The following ECHDC2 variants were observed in gnomAD, a reference collection of about 807,000 sequenced individuals.
The protein encoded by ECHDC2 is enoyl-CoA hydratase domain containing 2, also known as enoyl-CoA hydratase domain-containing protein 2, mitochondrial.
ECHDC2 carries 34 observed loss-of-function variants against 40.6 expected under a neutral mutation model. The ratio of observed to expected loss-of-function variants is 0.84; its 90% CI spans 0.64 to 1.11. The LOEUF (loss-of-function observed/expected upper bound fraction) is 1.11. Among genes scored for constraint, ECHDC2 ranks in the 50% most tolerant of loss-of-function variants. The probability of loss-of-function intolerance (pLI) is 0.00; values close to 1 mark genes in which losing one functional copy is unlikely to be tolerated. For synonymous variants in ECHDC2, 162 were observed against 166.6 expected (o/e 0.97, Z 0.21); for missense variants, 392 against 400.7 (o/e 0.98, Z 0.19).
rs960827670 is a variant in ECHDC2 at position 52,921,616 on chromosome 1, C to G, written c.58G>C (p.Ala20Pro). Residue 20 changes from alanine (A) to proline (P), a missense_variant, in exon 1 of 10, where the codon GCT (alanine) becomes CCT (proline). Ala to Pro is a conservative substitution (Grantham distance 27, BLOSUM62 -1). Transcript: ENST00000371522. ...GAGCCCCCGGCCGCCCCGTCGGAAG[C>G]GCAGCCGCGGGCCCGAAGGGGCCTC... ...PWRPLRARGC[A>P]SDGAAGGSEI... 43 of 1,599,608 alleles carry G rather than the reference C, an allele frequency of 2.7e-5. No homozygotes were observed. Among genetic ancestry groups the G allele is most frequent in the Non-Finnish European group, 3.7e-5 (43 of 1,174,024 alleles).
chr1:52,909,542 A>C (rs2150056587), intron 3 of ECHDC2, among the ~76,000 whole-genome samples: 1 of 146,846 alleles, frequency 6.8e-6, no homozygotes, highest in South Asian at 2.2e-4. Flanking sequence ...AAAAAAAAAC[A>C]CCACACAAAA....
Position 52,904,693 on chromosome 1 carries a change from C to G in ECHDC2, c.655G>C (p.Ala219Pro). Residue 219 changes from alanine (A) to proline (P), a missense_variant, in exon 7 of 10, where the codon GCC becomes CCC. Transcript: ENST00000371522. ...HAVAQNEEGD[A>P]AYQRARALAQ... Reference sequence around the variant, plus strand: ...AGTGCTCGTGCCCGCTGGTAGGCGGCGTCCCCCTCCTCGTTCTGGGCCACA... The same window carrying G: ...AGTGCTCGTGCCCGCTGGTAGGCGGGGTCCCCCTCCTCGTTCTGGGCCACA... 6.2e-7 allele frequency: 1 copy of G among 1,611,046 alleles called. No homozygotes were observed. Among genetic ancestry groups the G allele is most frequent in the Non-Finnish European group, 8.5e-7 (1 of 1,179,138 alleles).
Position 52,906,503 on chromosome 1 carries a change from A to C in ECHDC2, c.457+16T>G. ...CTCCCTAGCCCCACCCCCTGCCCCC[A>C]GTCCTGGCCCAGTACCTGCCACTCG... On this transcript the variant is annotated intron_variant, in intron 5 of 9. Transcript: ENST00000371522. 2 of 1,599,826 alleles carry C rather than the reference A, an allele frequency of 1.3e-6. No individual in the cohort carries two copies. Among genetic ancestry groups the C allele is most frequent in the Non-Finnish European group, 1.7e-6 (2 of 1,172,374 alleles).
chr1:52,899,377 C>T (rs1018115023), intron 7 of ECHDC2, 153 bp from the exon 8 acceptor site: 2 of 665,924 alleles, frequency 3.0e-6, no homozygotes, highest in Admixed American at 3.0e-5. Flanking sequence ...AGTCCTATAA[C>T]CTGTTAGCTG....
intron 6 of ECHDC2, 59 bp from the exon 7 acceptor site, chr1:52,904,892 G>A (rs1647354663): frequency 6.3e-7 from 1 of 1,595,568 alleles, no homozygotes; most frequent in Non-Finnish European, 8.6e-7. Context: ...CCCAGAGAAG[G>A]CTCAGCCTGG....
chr1:52,903,207 A>C lies in ECHDC2; in HGVS notation c.702+1439T>G, dbSNP rs189581128. Among the ~76,000 whole-genome samples the C allele has an allele frequency of 3.2e-3, 491 of 152,120 alleles. 2 individuals carry two copies. The highest frequency in any genetic ancestry group is 6.8e-3 in the Middle Eastern group (2 of 294). On this transcript the variant is annotated intron_variant, in intron 7 of 9. Transcript: ENST00000371522. Reference sequence around the variant, plus strand: ...GCAGGGCCTGACCTGCTCCCTACTGAGCATGGTACCCTTTGGGGTACCATG... The same window carrying C: ...GCAGGGCCTGACCTGCTCCCTACTGCGCATGGTACCCTTTGGGGTACCATG...
chr1:52,919,741 A>G (rs1228867178), intron 1 of ECHDC2, among the ~76,000 whole-genome samples: 1 of 151,790 alleles, frequency 6.6e-6, no homozygotes, highest in African/African-American at 2.4e-5. Flanking sequence ...AATGACCCCA[A>G]CTCATTCCCT....
chr1:52,918,750 C>T (rs1466547249), intron 1 of ECHDC2, among the ~76,000 whole-genome samples: 1 of 152,096 alleles, frequency 6.6e-6, no homozygotes, highest in Non-Finnish European at 1.5e-5. Context: ...GTTAATTTAT[C>T]ATTGAAGAAA....
intron 5 of ECHDC2, 122 bp from the exon 6 acceptor site, chr1:52,905,212 C>T: frequency 9.5e-7 from 1 of 1,057,952 alleles, no homozygotes; most frequent in Admixed American, 2.0e-5. Context: ...ATGGTCTGGC[C>T]ACAGCCAGGC....
intron 7 of ECHDC2, among the ~76,000 whole-genome samples, chr1:52,902,439 G>A (rs1184946649): frequency 6.6e-6 from 1 of 152,166 alleles, no homozygotes; most frequent in Non-Finnish European, 1.5e-5. Context: ...TTACAGCAAT[G>A]AGCCACTGCA....
chr1:52,912,312 A>G (rs895241582), intron 1 of ECHDC2: 1 of 154,558 alleles, frequency 6.5e-6, no homozygotes, highest in African/African-American at 2.4e-5. Context: ...GGCTCAAGCA[A>G]TTCTCCTCCC....
intron 8 of ECHDC2, chr1:52,897,697 T>C (rs1241391650): frequency 6.5e-6 from 4 of 613,698 alleles, no homozygotes; most frequent in Non-Finnish European, 1.2e-5. Flanking sequence ...AGAAGAGGAG[T>C]TCTCCTTCCC....
At chr1:52,918,468 G>A (rs1227800210) in intron 1 of ECHDC2, among the ~76,000 whole-genome samples, 1 of 152,088 alleles carries the variant, frequency 6.6e-6, no homozygotes, top group Non-Finnish European at 1.5e-5. Context: ...CTCCATGCAC[G>A]TTATCGCCCC....
intron 1 of ECHDC2, chr1:52,912,091 T>TA (rs1649654770): frequency 6.8e-6 from 9 of 1,326,678 alleles, no homozygotes; most frequent in Non-Finnish European, 8.7e-6. Context: ...CTGCTGTTGT[T>TA]AGACAGACAG....
At chr1:52,905,125 C>T in intron 5 of ECHDC2, 35 bp from the exon 6 acceptor site, 1 of 1,610,674 alleles carries the variant, frequency 6.2e-7, no homozygotes, top group Non-Finnish European at 8.5e-7. Context: ...CCTCCCTCCC[C>T]CATCCGGTCC....
intron 1 of ECHDC2, among the ~76,000 whole-genome samples, chr1:52,918,602 TAAA>T (rs1371867759): frequency 1.3e-5 from 2 of 152,126 alleles, no homozygotes; most frequent in Non-Finnish European, 2.9e-5. Context: ...TAAAAGCTTA[TAAA>T]ATAAGGATCT....
At chr1:52,910,352 GTTTTTTTTTTTTTTTTTTTTTTT>G (rs869088329) in intron 3 of ECHDC2, among the ~76,000 whole-genome samples, 1 of 32,102 alleles carries the variant, frequency 3.1e-5, no homozygotes, top group African/African-American at 1.1e-4. Context: ...CCACAATTTC[GTTTTTTTTTTTTTTTTTTTTTTT>G]TTTTTTTTTT....
Position 52,911,759 on chromosome 1 carries a change from A to C in ECHDC2, c.153T>G (p.Ser51=). 6.2e-7 allele frequency: 1 copy of C among 1,609,758 alleles called. No homozygotes were observed. The change falls in exon 2 of 10, where the codon TCT becomes TCG. Residue 51 remains serine (S), a synonymous_variant. Transcript: ENST00000371522. ...GITEILMNRP[S]ARNALGNVFV... ...AGACATTCCCCAAGGCATTGCGGGC[A>C]GAAGGTCTGTTCATCAGAATCTCAG...
rs1285675770 is a variant in ECHDC2 at position 52,921,631 on chromosome 1, G to T, written c.43C>A (p.Arg15=). The T allele has an allele frequency of 6.3e-7, 1 of 1,592,636 alleles. No homozygotes were observed. The highest frequency in any genetic ancestry group is 8.5e-7 in the Non-Finnish European group (1 of 1,170,470). ...CCGTCGGAAGCGCAGCCGCGGGCCC[G>T]AAGGGGCCTCCAGGGGCGCAGGAGG... ...LCLLRPWRPL[R]ARGCASDGAA... Residue 15 remains arginine (R), a synonymous_variant, in exon 1 of 10, where the codon CGG becomes AGG. Transcript: ENST00000371522.
Sources: gnomAD v4.1 joint callset for allele counts (sites outside exome capture counted in the v4.1 genomes callset) on GRCh38, gnomAD v4.1.1 for gene constraint, MANE v1.5 for transcripts, NCBI Gene and HGNC (gene_info 2026-07-23, HGNC 2026-07-21) for gene names.